PNPLA6: variants seen among roughly 807,000 people sequenced by gnomAD.
PNPLA6 encodes patatin like domain 6, lysophospholipase.
In PNPLA6, 105 loss-of-function variants were observed where a neutral mutation model predicts 153.7. That is an observed-to-expected ratio of 0.68 (90% CI 0.58 to 0.80). PNPLA6 has a LOEUF of 0.80. Among genes scored for constraint, PNPLA6 ranks in the 30% least tolerant of loss-of-function variants. PNPLA6 has a pLI of 0.00. For missense variants in PNPLA6, 1,423 were observed against 1,919.3 expected, an observed-to-expected ratio of 0.74 and a Z score of 4.83; for synonymous variants, 825 against 822.2, an observed-to-expected ratio of 1.00 and a Z score of -0.06.
chr19:7,561,373 T>A, intron 31 of PNPLA6, 56 bp downstream of exon 31: 1 of 1,457,728 alleles, frequency 6.9e-7, no homozygotes, highest in Non-Finnish European at 9.5e-7. Context: ...ATGAGTACAG[T>A]GTCAGGCAGG....
At chr19:7,542,691 C>T (rs559034912) in intron 11 of PNPLA6, 21 bp downstream of exon 11, 136 of 1,612,052 alleles carry the variant, frequency 8.4e-5, no homozygotes, top group Admixed American at 3.3e-4. Flanking sequence ...GGACCCTGCC[C>T]GGTGGTGGAG....
At chr19:7,560,078 T>C (rs891417820) in intron 28 of PNPLA6, among the ~76,000 whole-genome samples, 2 of 145,296 alleles carry the variant, frequency 1.4e-5, no homozygotes, top group African/African-American at 5.2e-5. Flanking sequence ...GAGGCAGTGG[T>C]TGCAGTGAGC....
In PNPLA6 at chr19:7,541,892, G is replaced by A; in HGVS notation, c.1169-92G>A. ...GGGCCCATTGGAATTGCTTTAACTA[G>A]TTAATCAGTCGCCAGCATCTCCTTA... On this transcript the variant is annotated intron_variant, in intron 9 of 31. Transcript: ENST00000600737. The surrounding 1 kb of genome is among the most constrained non-coding windows in gnomAD (Gnocchi z 5.2). 1 of 1,239,742 alleles carries A rather than the reference G, an allele frequency of 8.1e-7. No homozygotes were observed. Among genetic ancestry groups the A allele is most frequent in the Non-Finnish European group, 1.2e-6 (1 of 851,690 alleles). The allele number at this position is 1,239,742 out of a possible 1,614,324, so 76.8% of individuals were successfully genotyped here.
intron 29 of PNPLA6, 91 bp downstream of exon 29, chr19:7,560,855 C>G: frequency 1.1e-6 from 1 of 930,420 alleles, no homozygotes; most frequent in Admixed American, 1.9e-5. Context: ...CAGATGACCC[C>G]ACATGTCCCT....
rs763141305 is a variant in PNPLA6, at chr19:7,556,610, G to A, written c.3210+41G>A. On this transcript the variant is annotated intron_variant, in intron 25 of 31. Coordinates refer to ENST00000600737, the MANE Select transcript of PNPLA6 (RefSeq NM_001166114.2). ...CCCCTGCCCTGCCTACCCCTCCCCG[G>A]AGGAGCCCCCTGCTCCTCCCCCACC... 6 of 1,593,192 alleles carry A rather than the reference G, an allele frequency of 3.8e-6. No individual in the cohort carries two copies. In the African/African-American group the frequency reaches 4.0e-5, roughly 11 times the overall value.
At chr19:7,543,527 G>A (rs1326715202) in intron 13 of PNPLA6, among the ~76,000 whole-genome samples, 1 of 152,220 alleles carries the variant, frequency 6.6e-6, no homozygotes, top group Non-Finnish European at 1.5e-5. Context: ...TCAGGGCCTT[G>A]TGGCGGCACC....
chr19:7,555,137 T>C lies in PNPLA6; in HGVS notation c.2817+62T>C, dbSNP rs1181885342. 3 of 1,557,158 alleles carry C rather than the reference T, an allele frequency of 1.9e-6. No individual in the cohort carries two copies. Among genetic ancestry groups the C allele is most frequent in the Non-Finnish European group, 1.7e-6 (2 of 1,154,686 alleles). Reference sequence around the variant, plus strand: ...GGCTGGTGGGCGAGGCTTGGGAGACTGGGGCGGGGCCTGGGAGGGCTGAGG... The same window carrying C: ...GGCTGGTGGGCGAGGCTTGGGAGACCGGGGCGGGGCCTGGGAGGGCTGAGG... On this transcript the variant is annotated intron_variant, in intron 22 of 31. Coordinates refer to ENST00000600737, the MANE Select transcript of PNPLA6 (RefSeq NM_001166114.2). This position sits in a 1 kb window ranked among gnomAD's most constrained non-coding sequence, Gnocchi z 6.3.
At chr19:7,553,829 G>C in intron 18 of PNPLA6, 46 bp from the exon 19 acceptor site, 1 of 1,613,312 alleles carries the variant, frequency 6.2e-7, no homozygotes, top group Non-Finnish European at 8.5e-7. Flanking sequence ...TCATCTCTCT[G>C]GACACAGGTT....
intron 31 of PNPLA6, 41 bp downstream of exon 31, chr19:7,561,358 G>A (rs1385968842): frequency 6.7e-7 from 1 of 1,487,090 alleles, no homozygotes; most frequent in East Asian, 2.3e-5. Context: ...ATCCCCCAGA[G>A]GGTCATGAGT....
At chr19:7,538,152 C>G (rs1396257987) in intron 3 of PNPLA6, among the ~76,000 whole-genome samples, 2 of 151,676 alleles carry the variant, frequency 1.3e-5, no homozygotes, top group African/African-American at 4.8e-5. Context: ...TCTCCCTGAT[C>G]AAAAAAGGAA....
intron 16 of PNPLA6, 91 bp from the exon 17 acceptor site, chr19:7,550,903 C>T (rs1027617407): frequency 9.6e-6 from 10 of 1,036,552 alleles, no homozygotes; most frequent in African/African-American, 1.6e-5. Flanking sequence ...GCAGGGGAGC[C>T]CTAGATGGGG....
chr19:7,542,122 G>C, intron 10 of PNPLA6, 55 bp downstream of exon 10: 2 of 1,390,498 alleles, frequency 1.4e-6, no homozygotes, highest in Admixed American at 1.7e-5. Flanking sequence ...TTTGAATCCA[G>C]GTCCACCGCC....
chr19:7,536,950 A>AAAGAAG (rs1225485301), intron 3 of PNPLA6, among the ~76,000 whole-genome samples: 60 of 127,110 alleles, frequency 4.7e-4, no homozygotes, highest in Admixed American at 2.0e-3. Context: ...AAAAAAAAAA[A>AAAGAAG]AAGAAGAAGA....
intron 13 of PNPLA6, among the ~76,000 whole-genome samples, chr19:7,545,123 T>G (rs112728676): frequency 6.6e-6 from 1 of 152,048 alleles, no homozygotes; most frequent in African/African-American, 2.4e-5. Context: ...GCCTCCCGGA[T>G]TCAAGTGATT....
intron 26 of PNPLA6, 30 bp downstream of exon 26, chr19:7,556,754 C>A (rs779730441): frequency 2.6e-6 from 4 of 1,535,128 alleles, no homozygotes; most frequent in Non-Finnish European, 2.7e-6. Flanking sequence ...CTGCAGCAAC[C>A]GCTGACGCCA....
At position 7,555,908 on chromosome 19, in the gene PNPLA6, A is replaced by G; in HGVS notation, c.3093+145A>G. 1 of 877,602 alleles carries G rather than the reference A, an allele frequency of 1.1e-6. No individual in the cohort carries two copies. The highest frequency in any genetic ancestry group is 1.4e-5 in the South Asian group (1 of 69,016). 54.4% of individuals were successfully genotyped at this position (877,602 alleles called of 1,614,324 possible). A position where few individuals can be genotyped will look rare whatever the true frequency, so the allele number is the denominator to read the frequency against. Reference sequence around the variant, plus strand: ...ATGATCCCCAGCTGTCCGGACTTTTATAGATAAGCTTCTAGGACTCTGGGT... The same window carrying G: ...ATGATCCCCAGCTGTCCGGACTTTTGTAGATAAGCTTCTAGGACTCTGGGT... On this transcript the variant is annotated intron_variant, in intron 24 of 31. Coordinates refer to ENST00000600737, the MANE Select transcript of PNPLA6 (RefSeq NM_001166114.2). The surrounding 1 kb of genome is among the most constrained non-coding windows in gnomAD (Gnocchi z 6.3).
Position 7,535,907 on chromosome 19 carries a change from C to A in PNPLA6, c.119C>A (p.Ala40Glu), listed in dbSNP as rs780629364. The change falls in exon 1 of 32, where the codon GCG (alanine) becomes GAG (glutamate). Residue 40 changes from alanine to glutamate, a missense_variant. By Grantham distance (107) the Ala-to-Glu change is moderately radical. Around this residue, in one of 10 missense-constraint regions of PNPLA6, gnomAD observed 109 missense variants for 109.4 expected, o/e 1.00. Coordinates refer to ENST00000600737, the MANE Select transcript of PNPLA6 (RefSeq NM_001166114.2). This position sits in a 1 kb window ranked among gnomAD's most constrained non-coding sequence, Gnocchi z 5.0. ...GGCTCGGCGGGACGGATTTGCGGTG[C>A]GCAGCCAGTGCCGTTCGTCCCTCAG... ...GEGSAGRICGAQPVPFVPQVL... is the reference protein window; with the variant it reads ...GEGSAGRICGEQPVPFVPQVL... The A allele has an allele frequency of 1.3e-6, 2 of 1,557,950 alleles. No homozygotes were observed. The highest frequency in any genetic ancestry group is 1.7e-6 in the Non-Finnish European group (2 of 1,157,502).
intron 13 of PNPLA6, among the ~76,000 whole-genome samples, chr19:7,546,367 G>A (rs1437883987): frequency 1.3e-5 from 2 of 152,196 alleles, no homozygotes; most frequent in South Asian, 2.1e-4. Flanking sequence ...AGTGGCTCAC[G>A]CCTGTAATCC....
chr19:7,535,465 G>C, upstream of PNPLA6: 2 of 1,403,876 alleles, frequency 1.4e-6, no homozygotes, highest in Admixed American at 2.0e-5. This position sits in a 1 kb window ranked among gnomAD's most constrained non-coding sequence, Gnocchi z 5.0. Flanking sequence ...GGTGGGCCCA[G>C]ATTGACGACT....
Sources: allele counts gnomAD v4.1 joint callset (sites outside exome capture counted in the v4.1 genomes callset), GRCh38; gene constraint gnomAD v4.1.1; regional missense constraint gnomAD v4.1.1; non-coding constraint Gnocchi (gnomAD v3.1); transcripts MANE v1.5; gene names NCBI Gene and HGNC (gene_info 2026-07-23, HGNC 2026-07-21).